Variants in KLHL1 observed in about 807,000 individuals in gnomAD.
KLHL1 encodes the protein kelch like family member 1.
KLHL1 carries 47 observed loss-of-function variants against 77.7 expected under a neutral mutation model. The ratio of observed to expected loss-of-function variants is 0.60; its 90% CI spans 0.48 to 0.77. The LOEUF (loss-of-function observed/expected upper bound fraction) is 0.77. KLHL1 is among the 30% of genes least tolerant of loss of function. KLHL1 has a pLI of 0.00. For synonymous variants in KLHL1, 360 were observed against 325.2 expected (o/e 1.11, Z -1.15); for missense variants, 925 against 910.8 (o/e 1.02, Z -0.20).
intron 8 of KLHL1, among the ~76,000 whole-genome samples, chr13:69,730,579 T>G (rs1873497239): frequency 1.3e-5 from 2 of 150,026 alleles, no homozygotes; most frequent in African/African-American, 2.5e-5. Context: ...CATCCATTCC[T>G]TTTTTTTTCC....
intron 1 of KLHL1, among the ~76,000 whole-genome samples, chr13:70,078,769 A>G (rs1343067115): frequency 6.6e-6 from 1 of 152,206 alleles, no homozygotes; most frequent in Non-Finnish European, 1.5e-5. Flanking sequence ...AAAATTATAA[A>G]TATATTTCAA....
rs1301056518 is a variant in KLHL1 at position 70,083,676 on chromosome 13, G to A, written c.497+23527C>T. Among the ~76,000 whole-genome samples the A allele has an allele frequency of 2.6e-5, 4 of 152,174 alleles. 1 individual carries two copies. The highest frequency in any genetic ancestry group is 4.2e-4 in the South Asian group (2 of 4,818). On this transcript the variant is annotated intron_variant, in intron 1 of 10. Coordinates refer to ENST00000377844, the MANE Select transcript of KLHL1 (RefSeq NM_020866.3). ...AAAATAATTGCCTAAATTAAGCATAGAAAATTTGATAATTATGTTTTTAAA... is the reference window on the plus strand; with the variant it reads ...AAAATAATTGCCTAAATTAAGCATAAAAAATTTGATAATTATGTTTTTAAA...
chr13:69,947,765 A>G (rs527264533), intron 3 of KLHL1, among the ~76,000 whole-genome samples: 1 of 152,284 alleles, frequency 6.6e-6, no homozygotes. Context: ...TCAAGCTTCA[A>G]TGCACACAAA....
chr13:69,991,246 T>A (rs1885019939), intron 1 of KLHL1, among the ~76,000 whole-genome samples: 1 of 151,486 alleles, frequency 6.6e-6, no homozygotes, highest in African/African-American at 2.4e-5. Context: ...TGAGGAGAAC[T>A]AGAAAAACAA....
intron 6 of KLHL1, among the ~76,000 whole-genome samples, chr13:69,813,943 A>G (rs78171470): frequency 0.034 from 5,221 of 152,264 alleles, 318 homozygotes; most frequent in African/African-American, 0.12. Context: ...ATCCAAAGAA[A>G]TCCTAAGCAA....
At chr13:69,818,455 G>A (rs776060968) in intron 6 of KLHL1, among the ~76,000 whole-genome samples, 2 of 151,784 alleles carry the variant, frequency 1.3e-5, no homozygotes, top group African/African-American at 2.4e-5. Context: ...TCTTGACCTC[G>A]TGATCCACCC....
chr13:70,083,390 T>A (rs932429913), intron 1 of KLHL1, among the ~76,000 whole-genome samples: 1 of 152,188 alleles, frequency 6.6e-6, no homozygotes, highest in African/African-American at 2.4e-5. Context: ...CAAGATGAAC[T>A]AACTCCTGGT....
In KLHL1 at chr13:69,701,783, A is replaced by T. The variant is rs1875408148; in HGVS notation, c.2188-22T>A. The T allele has an allele frequency of 2.0e-6, 3 of 1,534,628 alleles. No homozygotes were observed. The African/African-American group carries it at 4.2e-5, about 21-fold the overall frequency. On this transcript the variant is annotated intron_variant, in intron 10 of 10. Transcript: ENST00000377844. ...CCATCTGTTAAAAAAGATGAAACAC[A>T]ACTTAAGACAAGTTTTCATAGAAAA...
At chr13:69,875,672 CTT>C (rs1242724695) in intron 5 of KLHL1, among the ~76,000 whole-genome samples, 27 of 152,020 alleles carry the variant, frequency 1.8e-4, no homozygotes, top group Admixed American at 1.5e-3. Flanking sequence ...TAACAAAACA[CTT>C]TGTCTTTTCT....
intron 1 of KLHL1, among the ~76,000 whole-genome samples, chr13:69,979,290 C>T (rs375860665): frequency 1.4e-4 from 22 of 152,050 alleles, no homozygotes; most frequent in African/African-American, 5.1e-4. Context: ...ATTAATCTTT[C>T]AGATAAATGG....
intron 8 of KLHL1, among the ~76,000 whole-genome samples, chr13:69,732,778 T>C (rs2137916916): frequency 6.6e-6 from 1 of 152,130 alleles, no homozygotes; most frequent in Middle Eastern, 3.4e-3. Flanking sequence ...CGCCATCGGC[T>C]TCATTGAGAC....
chr13:69,937,197 T>C (rs976669226), intron 4 of KLHL1, among the ~76,000 whole-genome samples: 1 of 152,206 alleles, frequency 6.6e-6, no homozygotes, highest in African/African-American at 2.4e-5. Context: ...CTCTGGACTT[T>C]CTGCCCATCT....
chr13:69,815,004 C>T (rs758596394), intron 6 of KLHL1, among the ~76,000 whole-genome samples: 2 of 151,370 alleles, frequency 1.3e-5, no homozygotes, highest in East Asian at 1.9e-4. Context: ...AGTGAGACTC[C>T]GTCTCTAAAA....
At chr13:70,088,898 G>A (rs1256328993) in intron 1 of KLHL1, among the ~76,000 whole-genome samples, 2 of 151,558 alleles carry the variant, frequency 1.3e-5, no homozygotes, top group Non-Finnish European at 2.9e-5. Context: ...TTTTATTTGG[G>A]AAAACAACCT....
chr13:70,093,408 A>G (rs1359654801), intron 1 of KLHL1, among the ~76,000 whole-genome samples: 1 of 152,200 alleles, frequency 6.6e-6, no homozygotes, highest in Non-Finnish European at 1.5e-5. Flanking sequence ...AGTTAGAGAT[A>G]GAGAAAATAA....
intron 1 of KLHL1, among the ~76,000 whole-genome samples, chr13:70,031,159 G>T (rs1886090911): frequency 6.6e-6 from 1 of 152,120 alleles, no homozygotes; most frequent in Non-Finnish European, 1.5e-5. Flanking sequence ...AATTGCACTG[G>T]CCAATGGAAT....
intron 2 of KLHL1, among the ~76,000 whole-genome samples, chr13:69,963,962 T>C (rs1402463162): frequency 3.3e-5 from 5 of 152,170 alleles, no homozygotes; most frequent in Admixed American, 3.3e-4. Context: ...ACACATGACA[T>C]AGAATTCTAG....
At chr13:69,983,889 T>C (rs1884789172) in intron 1 of KLHL1, among the ~76,000 whole-genome samples, 1 of 134,366 alleles carries the variant, frequency 7.4e-6, no homozygotes, top group Non-Finnish European at 1.6e-5. Flanking sequence ...AATAAATCTA[T>C]GCATTTACGG....
chr13:69,822,605 C>T (rs1464924583), intron 6 of KLHL1, among the ~76,000 whole-genome samples: 1 of 152,024 alleles, frequency 6.6e-6, no homozygotes, highest in African/African-American at 2.4e-5. Flanking sequence ...TCTTGAGTCA[C>T]TTAAAAGGTA....
Sources: allele counts gnomAD v4.1 joint callset (sites outside exome capture counted in the v4.1 genomes callset), GRCh38; gene constraint gnomAD v4.1.1; transcripts MANE v1.5; gene names NCBI Gene and HGNC (gene_info 2026-07-23, HGNC 2026-07-21).